The following CHEK2 variants were observed in gnomAD, a reference collection of about 807,000 sequenced individuals.
CHEK2 encodes serine/threonine-protein kinase Chk2.
In CHEK2, 71 loss-of-function variants were observed where a neutral mutation model predicts 69.1. That is an observed-to-expected ratio of 1.03 (90% confidence interval 0.85 to 1.25). The LOEUF (loss-of-function observed/expected upper bound fraction) is 1.25, where lower values mean the gene tolerates loss of function less well. Ranked by LOEUF, CHEK2 falls within the 50% of genes most tolerant of loss-of-function variation. The pLI, the probability that CHEK2 is intolerant of heterozygous loss-of-function variation, is 0.00. For synonymous variants in CHEK2, 189 were observed against 226.9 expected (o/e 0.83, Z 1.50); for missense variants, 664 against 649.6 (o/e 1.02, Z -0.24).
chr22:28,719,032 G>A (rs1279486709), intron 5 of CHEK2, among the ~76,000 whole-genome samples: 2 of 152,006 alleles, frequency 1.3e-5, no homozygotes, highest in Non-Finnish European at 2.9e-5. Context: ...TTCAAGACCA[G>A]CCCTGGCAAC....
chr22:28,708,361 A>ATGTGTG (rs200869651), intron 7 of CHEK2, among the ~76,000 whole-genome samples: 2,349 of 104,326 alleles, frequency 0.023, 38 homozygotes, highest in South Asian at 0.063. Context: ...GTCTCTAAAA[A>ATGTGTG]TATGTGTGTG....
At chr22:28,719,196 A>C (rs2053682160) in intron 5 of CHEK2, among the ~76,000 whole-genome samples, 199 bp downstream of exon 5, 2 of 152,164 alleles carry the variant, frequency 1.3e-5, no homozygotes, top group Admixed American at 6.6e-5. Context: ...ACCCTGTCTC[A>C]CAAAGAAATA....
chr22:28,728,083 G>T (rs2054072087), intron 2 of CHEK2: 1 of 152,198 alleles, frequency 6.6e-6, no homozygotes, highest in African/African-American at 2.4e-5. Flanking sequence ...CTAAGCTGTG[G>T]TTGCACCACT....
At chr22:28,738,944 C>T (rs190498421) in intron 1 of CHEK2, among the ~76,000 whole-genome samples, 19 of 152,210 alleles carry the variant, frequency 1.2e-4, no homozygotes, top group African/African-American at 4.3e-4. Flanking sequence ...GGAGATGAAA[C>T]TCAACTGCAG....
At chr22:28,727,111 G>A (rs965082136) in intron 2 of CHEK2, among the ~76,000 whole-genome samples, 6 of 151,992 alleles carry the variant, frequency 3.9e-5, no homozygotes, top group Admixed American at 6.6e-5. Flanking sequence ...GCGCGATCTC[G>A]GCTCACTGCA....
intron 5 of CHEK2, 116 bp from the exon 6 acceptor site, chr22:28,712,133 A>T: frequency 1.3e-6 from 1 of 787,816 alleles, no homozygotes; most frequent in Non-Finnish European, 2.2e-6. Context: ...CAGCCTTTCC[A>T]TTGTCCCTGT....
At chr22:28,710,860 C>G (rs2053366968) in intron 6 of CHEK2, among the ~76,000 whole-genome samples, 1 of 152,214 alleles carries the variant, frequency 6.6e-6, no homozygotes, top group Admixed American at 6.5e-5. Flanking sequence ...AAGGTCCAAT[C>G]TGATTCAAAT....
chr22:28,701,832 T>A (rs762479594), intron 8 of CHEK2, among the ~76,000 whole-genome samples: 1 of 152,208 alleles, frequency 6.6e-6, no homozygotes, highest in Non-Finnish European at 1.5e-5. Context: ...GAGCTGTCCC[T>A]CAGTATCCAT....
chr22:28,730,033 C>CG (rs2054148572), intron 2 of CHEK2, among the ~76,000 whole-genome samples: 1 of 150,456 alleles, frequency 6.6e-6, no homozygotes, highest in South Asian at 2.1e-4. Flanking sequence ...TTAGTAGAGA[C>CG]GGGGTTTCAC....
chr22:28,741,130 CAG>C (rs1383192110), intron 1 of CHEK2, among the ~76,000 whole-genome samples: 3 of 112,232 alleles, frequency 2.7e-5, no homozygotes, highest in Non-Finnish European at 4.9e-5. Flanking sequence ...AGCCTGGCAA[CAG>C]AGAGAGACTC....
intron 5 of CHEK2, among the ~76,000 whole-genome samples, chr22:28,716,434 T>C (rs1201797228): frequency 6.6e-6 from 1 of 151,950 alleles, no homozygotes; most frequent in Non-Finnish European, 1.5e-5. Flanking sequence ...CAACCTCAGG[T>C]GATCCACCCG....
At chr22:28,712,685 C>T (rs907497698) in intron 5 of CHEK2, among the ~76,000 whole-genome samples, 1 of 152,198 alleles carries the variant, frequency 6.6e-6, no homozygotes, top group African/African-American at 2.4e-5. Flanking sequence ...AAGCTTGGGT[C>T]AGCCCAAGAT....
At chr22:28,709,491 G>A (rs2053304659) in intron 7 of CHEK2, among the ~76,000 whole-genome samples, 2 of 152,086 alleles carry the variant, frequency 1.3e-5, no homozygotes, top group African/African-American at 4.8e-5. Context: ...ATCTTTATAC[G>A]GTATTGTTCA....
intron 1 of CHEK2, among the ~76,000 whole-genome samples, chr22:28,739,605 C>T (rs2054503005): frequency 6.6e-6 from 1 of 151,904 alleles, no homozygotes; most frequent in Non-Finnish European, 1.5e-5. Flanking sequence ...AGGAGAATCT[C>T]TTGAACCCGG....
chr22:28,709,039 T>C (rs1157876054), intron 7 of CHEK2: 4 of 372,942 alleles, frequency 1.1e-5, no homozygotes, highest in South Asian at 7.9e-5. Context: ...TTGCCTTGAG[T>C]TTAATGCCAT....
intron 2 of CHEK2, among the ~76,000 whole-genome samples, chr22:28,731,273 A>G (rs1183099291): frequency 3.3e-5 from 5 of 152,236 alleles, no homozygotes; most frequent in African/African-American, 1.2e-4. Flanking sequence ...TTAAAAGAAA[A>G]CATAGGTATA....
chr22:28,731,039 C>T (rs2146117866), intron 2 of CHEK2, among the ~76,000 whole-genome samples: 1 of 151,864 alleles, frequency 6.6e-6, no homozygotes, highest in African/African-American at 2.4e-5. Context: ...CCATCTCCAC[C>T]AAGAATACAA....
chr22:28,729,031 T>C (rs2054103202), intron 2 of CHEK2, among the ~76,000 whole-genome samples: 1 of 151,868 alleles, frequency 6.6e-6, no homozygotes, highest in Non-Finnish European at 1.5e-5. Flanking sequence ...ATCAAATATG[T>C]AAAGAACTAA....
intron 1 of CHEK2, among the ~76,000 whole-genome samples, chr22:28,740,597 T>C (rs889004686): frequency 6.6e-6 from 1 of 152,350 alleles, no homozygotes; most frequent in East Asian, 1.9e-4. Context: ...CAATACTGAC[T>C]GACTTGTGGA....
Sources: allele counts gnomAD v4.1 joint callset (sites outside exome capture counted in the v4.1 genomes callset), GRCh38; gene constraint gnomAD v4.1.1; transcripts MANE v1.5; gene names NCBI Gene and HGNC (gene_info 2026-07-23, HGNC 2026-07-21).